RSRP1: variants seen among roughly 807,000 people sequenced by gnomAD.
RSRP1 encodes arginine/serine-rich protein 1.
A neutral mutation model predicts 33.0 loss-of-function variants in RSRP1; 37 were observed. The observed-to-expected ratio is 1.12, with a 90% confidence interval of 0.86 to 1.48. The LOEUF (loss-of-function observed/expected upper bound fraction) is 1.48. Among genes scored for constraint, RSRP1 ranks in the 40% most tolerant of loss-of-function variants. RSRP1 has a pLI of 0.00. For missense variants in RSRP1, 402 were observed against 385.3 expected (o/e 1.04, Z -0.36); for synonymous variants, 167 against 158.7 (o/e 1.05, Z -0.40).
rs1264683771 is a variant in RSRP1, at chr1:25,315,739, G to A, written c.-67+22239C>T. ...TCTCCATCTCCTGACCTCATGATCT[G>A]CCCGCCTCGGCCTCCCAAAGTGTGG... On this transcript the variant is annotated intron_variant, in intron 1 of 1. Coordinates refer to the RSRP1 transcript ENST00000561867. Among the ~76,000 whole-genome samples the A allele has an allele frequency of 4.6e-5, 6 of 129,756 alleles. 1 individual carries two copies. Among genetic ancestry groups the A allele is most frequent in the East Asian group, 2.0e-4 (1 of 5,090 alleles). 85.1% of individuals were successfully genotyped at this position (129,756 alleles called of 152,430 possible). A position where few individuals can be genotyped will look rare whatever the true frequency, so the allele number is the denominator to read the frequency against.
At chr1:25,250,931 T>C (rs905701444), upstream of RSRP1, among the ~76,000 whole-genome samples, 20 of 151,442 alleles carry the variant, frequency 1.3e-4, no homozygotes, top group African/African-American at 4.9e-4. Context: ...ATCACTTGAA[T>C]CCAGGAGGCG....
At chr1:25,266,313 T>C (rs1242332136) in intron 1 of RSRP1, among the ~76,000 whole-genome samples, 1 of 129,924 alleles carries the variant, frequency 7.7e-6, no homozygotes, top group Non-Finnish European at 1.8e-5. Flanking sequence ...AGAAAGGAGT[T>C]AGTATCTTTT....
intron 1 of RSRP1, among the ~76,000 whole-genome samples, chr1:25,305,922 T>A (rs969106761): frequency 6.8e-5 from 9 of 131,772 alleles, no homozygotes; most frequent in African/African-American, 2.4e-4. Flanking sequence ...TTCTGAAGAC[T>A]AATAGGGATT....
Position 25,260,689 on chromosome 1 carries a change from G to A in RSRP1, c.-66-13660C>T, listed in dbSNP as rs529891536. Among the ~76,000 whole-genome samples, 352 of 152,220 alleles carry A rather than the reference G, an allele frequency of 2.3e-3. 1 individual carries two copies. Among genetic ancestry groups the A allele is most frequent in the African/African-American group, 7.4e-3 (308 of 41,518 alleles). ...CTGGAGGCTGGAAGTTCAAGGTGCC[G>A]GCAAGGCTGGTTTCTGGTGAGACCT... is the stretch of plus-strand genomic sequence containing the variant. On this transcript the variant is annotated intron_variant, in intron 1 of 1. Coordinates refer to the RSRP1 transcript ENST00000561867.
At position 25,291,149 on chromosome 1, in the gene RSRP1, CAGAT is replaced by C. The variant is rs1306474266; in HGVS notation, c.-66-44124_-66-44121del. 2.3e-4 allele frequency among the ~76,000 whole-genome samples: 28 copies of C among 123,570 alleles called. 2 individuals carry two copies. The highest frequency in any genetic ancestry group is 3.1e-4 in the Non-Finnish European group (17 of 54,570). 81.1% of individuals were successfully genotyped at this position (123,570 alleles called of 152,430 possible). A position where few individuals can be genotyped will look rare whatever the true frequency, so the allele number is the denominator to read the frequency against. ...CTAAATAAATAGGTAGGTGGATAGA[CAGAT>C]AGATAGATAGACAGACAGACAGACA... On this transcript the variant is annotated intron_variant, in intron 1 of 1. Coordinates refer to the RSRP1 transcript ENST00000561867.
chr1:25,274,805 G>A lies in RSRP1; in HGVS notation c.-66-27776C>T, dbSNP rs145815732. On this transcript the variant is annotated intron_variant, in intron 1 of 1. Transcript: ENST00000561867. Reference sequence around the variant, plus strand: ...GAGAATCACCTGAGGTTAGGAGTTCGAGACCAGCCTGGCCAACATGGCAAA... The same window carrying A: ...GAGAATCACCTGAGGTTAGGAGTTCAAGACCAGCCTGGCCAACATGGCAAA... 1.8e-4 allele frequency among the ~76,000 whole-genome samples: 24 copies of A among 133,670 alleles called. 5 individuals are homozygous for A. The highest frequency in any genetic ancestry group is 3.6e-4 in the African/African-American group (14 of 39,292). 87.7% of individuals were successfully genotyped at this position (133,670 alleles called of 152,430 possible). A position where few individuals can be genotyped will look rare whatever the true frequency, so the allele number is the denominator to read the frequency against.
chr1:25,262,343 G>C (rs1157134047), intron 1 of RSRP1, among the ~76,000 whole-genome samples: 1 of 152,100 alleles, frequency 6.6e-6, no homozygotes, highest in Non-Finnish European at 1.5e-5. Flanking sequence ...GTAAACAAAT[G>C]GATAAAGTCC....
At chr1:25,243,503 A>G in intron 4 of RSRP1, 47 bp downstream of exon 4, 1 of 1,597,064 alleles carries the variant, frequency 6.3e-7, no homozygotes, top group Non-Finnish European at 8.6e-7. Flanking sequence ...ATGCAAAAAT[A>G]CATCCTAAAT....
At chr1:25,307,233 G>T (rs147764505) in intron 1 of RSRP1, among the ~76,000 whole-genome samples, 1,751 of 132,030 alleles carry the variant, frequency 0.013, 280 homozygotes, top group African/African-American at 0.043. Flanking sequence ...CCATCCCTGA[G>T]GCCCAGAGAG....
rs564773142 is a variant in RSRP1, at chr1:25,332,190, C to T, written c.-67+5788G>A. On this transcript the variant is annotated intron_variant, in intron 1 of 1. Coordinates refer to the RSRP1 transcript ENST00000561867. ...TAGCTGGGATCACAGGCACACGCCACCACACCTAGCTACTTTTTGTATTTT... is the reference window on the plus strand; with the variant it reads ...TAGCTGGGATCACAGGCACACGCCATCACACCTAGCTACTTTTTGTATTTT... Among the ~76,000 whole-genome samples, 4 of 127,204 alleles carry T rather than the reference C, an allele frequency of 3.1e-5. No homozygotes were observed. In the South Asian group the frequency reaches 9.7e-4, roughly 31 times the overall value. The allele number at this position is 127,204 out of a possible 152,430, so 83.5% of individuals were successfully genotyped here.
At chr1:25,258,696 A>T (rs1256458635) in intron 1 of RSRP1, among the ~76,000 whole-genome samples, 3 of 152,234 alleles carry the variant, frequency 2.0e-5, no homozygotes, top group Non-Finnish European at 4.4e-5. Context: ...AAACTCATTT[A>T]AATTTTTAAT....
intron 1 of RSRP1, chr1:25,301,538 T>C (rs1215213006): frequency 7.3e-7 from 1 of 1,378,698 alleles, no homozygotes; most frequent in Non-Finnish European, 1.0e-6. Context: ...TTCTTGTGGA[T>C]GTTCTGGCCA....
At chr1:25,320,291 G>A (rs1209755168) in intron 1 of RSRP1, among the ~76,000 whole-genome samples, 4 of 131,912 alleles carry the variant, frequency 3.0e-5, no homozygotes, top group South Asian at 4.7e-4. Flanking sequence ...CCTTTTCCAC[G>A]TTATATGGCA....
chr1:25,329,297 T>G (rs1644939930), intron 1 of RSRP1: 1 of 449,888 alleles, frequency 2.2e-6, no homozygotes, highest in African/African-American at 2.4e-5. Context: ...CAGGCTAGAG[T>G]GCAATGGCAC....
At position 25,323,465 on chromosome 1, in the gene RSRP1, A is replaced by AT. The variant is rs112639646; in HGVS notation, c.-67+14512dup. ...GTCACTAAGGTTTGCATTTTCTGTA[A>AT]TTTTTTTGTTTGAGACAGGGTCTCA... On this transcript the variant is annotated intron_variant, in intron 1 of 1. Transcript: ENST00000561867. Among the ~76,000 whole-genome samples the AT allele has an allele frequency of 6.2e-3, 732 of 118,750 alleles. 60 individuals are homozygous for AT. The highest frequency in any genetic ancestry group is 0.02 in the African/African-American group (689 of 34,444). 77.9% of individuals were successfully genotyped at this position (118,750 alleles called of 152,430 possible).
chr1:25,250,073 G>T (rs756653256), upstream of RSRP1, among the ~76,000 whole-genome samples: 3 of 152,138 alleles, frequency 2.0e-5, no homozygotes, highest in African/African-American at 7.2e-5. Context: ...TTATACTAAG[G>T]TCTAAATAGG....
intron 1 of RSRP1, among the ~76,000 whole-genome samples, chr1:25,308,865 GC>G (rs1193269642): frequency 7.6e-6 from 1 of 131,460 alleles, no homozygotes; most frequent in African/African-American, 2.6e-5. Context: ...CAGTCATGCA[GC>G]CTTAGTCCTG....
intron 1 of RSRP1, among the ~76,000 whole-genome samples, chr1:25,281,824 T>C (rs1222493875): frequency 1.5e-5 from 2 of 132,696 alleles, no homozygotes. Flanking sequence ...ATCCTGGTGG[T>C]GTCAGGTTGA....
chr1:25,277,504 C>T (rs1162754110), intron 1 of RSRP1, among the ~76,000 whole-genome samples: 1 of 132,778 alleles, frequency 7.5e-6, no homozygotes, highest in Non-Finnish European at 1.8e-5. Flanking sequence ...TTCGAGAATT[C>T]CTGGAGCTAG....
Sources: gnomAD v4.1 joint callset for allele counts (sites outside exome capture counted in the v4.1 genomes callset) on GRCh38, gnomAD v4.1.1 for gene constraint, MANE v1.5 for transcripts, NCBI Gene and HGNC (gene_info 2026-07-23, HGNC 2026-07-21) for gene names.